Variants in DNM3 observed in about 807,000 individuals in gnomAD.
DNM3 encodes the protein dynamin-3.
Under a neutral mutation model 101.6 loss-of-function variants are expected in DNM3, and 47 were observed. The ratio of observed to expected loss-of-function variants is 0.46; its 90% CI spans 0.37 to 0.59. The LOEUF (loss-of-function observed/expected upper bound fraction) is 0.59, where lower values mean the gene tolerates loss of function less well. DNM3 is among the 20% of genes least tolerant of loss of function. DNM3 has a pLI of 0.00. For missense variants in DNM3, 849 were observed against 1,085.7 expected (o/e 0.78, Z 3.06); for synonymous variants, 385 against 387.9 (o/e 0.99, Z 0.09).
At chr1:172,387,027 G>A in intron 18 of DNM3, 106 bp from the exon 19 acceptor site, 1 of 936,982 alleles carries the variant, frequency 1.1e-6, no homozygotes, top group Non-Finnish European at 1.7e-6. Context: ...GGACTTTGGT[G>A]GACTTTGGTG....
chr1:171,848,310 CT>C (rs981714755), intron 1 of DNM3, among the ~76,000 whole-genome samples: 85 of 152,026 alleles, frequency 5.6e-4, no homozygotes, highest in African/African-American at 1.9e-3. Flanking sequence ...ATTTTATTAC[CT>C]TTTTTTTCCC....
intron 14 of DNM3, among the ~76,000 whole-genome samples, chr1:172,234,452 T>A (rs1284679834): frequency 2.0e-5 from 3 of 152,016 alleles, no homozygotes; most frequent in Admixed American, 2.0e-4. Context: ...AAAATGGCCA[T>A]ACTGCCCAAG....
chr1:172,026,747 G>A (rs941115946), intron 4 of DNM3, among the ~76,000 whole-genome samples: 2 of 151,550 alleles, frequency 1.3e-5, no homozygotes, highest in African/African-American at 2.4e-5. Flanking sequence ...CTCCGCCTCC[G>A]GGTTCATGCC....
chr1:172,034,563 A>C (rs1490860166), intron 6 of DNM3, among the ~76,000 whole-genome samples: 1 of 151,772 alleles, frequency 6.6e-6, no homozygotes, highest in East Asian at 1.9e-4. Context: ...AAGTTATGAC[A>C]CAATTGGATT....
chr1:172,137,911 C>T (rs1444814941), intron 14 of DNM3: 1 of 152,080 alleles, frequency 6.6e-6, no homozygotes, highest in African/African-American at 2.4e-5. Flanking sequence ...AAAGATGTGT[C>T]AAAATATACA....
intron 4 of DNM3, among the ~76,000 whole-genome samples, chr1:172,026,171 C>A (rs1322668451): frequency 6.6e-6 from 1 of 151,856 alleles, no homozygotes; most frequent in Non-Finnish European, 1.5e-5. Context: ...ACACAAGTAT[C>A]AATAGCCAAA....
intron 20 of DNM3, among the ~76,000 whole-genome samples, chr1:172,391,967 A>G (rs143488894): frequency 1.3e-5 from 2 of 152,348 alleles, no homozygotes; most frequent in Admixed American, 6.5e-5. Flanking sequence ...AAGAGCATAT[A>G]TACTTTTATG....
intron 2 of DNM3, among the ~76,000 whole-genome samples, chr1:171,981,348 A>T (rs1349277080): frequency 6.6e-6 from 1 of 152,270 alleles, no homozygotes; most frequent in Non-Finnish European, 1.5e-5. Flanking sequence ...CTTAGAATAA[A>T]GATGGACAAG....
chr1:172,226,998 C>A (rs2061148336), intron 14 of DNM3, among the ~76,000 whole-genome samples: 1 of 151,098 alleles, frequency 6.6e-6, no homozygotes, highest in Non-Finnish European at 1.5e-5. Context: ...TTTAATGCAC[C>A]CATCTCCCAT....
chr1:172,136,373 T>C (rs1450654371), intron 14 of DNM3, among the ~76,000 whole-genome samples: 2 of 152,170 alleles, frequency 1.3e-5, no homozygotes, highest in East Asian at 1.9e-4. Flanking sequence ...GTTTCACTTA[T>C]ACTTTTAAGA....
At chr1:172,275,797 T>C (rs1178829535) in intron 15 of DNM3, among the ~76,000 whole-genome samples, 1 of 152,132 alleles carries the variant, frequency 6.6e-6, no homozygotes, top group African/African-American at 2.4e-5. Flanking sequence ...TAAAAGATAA[T>C]TTTTATTGCC....
intron 13 of DNM3, among the ~76,000 whole-genome samples, chr1:172,097,882 C>A (rs2054352331): frequency 6.6e-6 from 1 of 152,188 alleles, no homozygotes; most frequent in Non-Finnish European, 1.5e-5. Context: ...TTCTGTGATG[C>A]CCCCTGAGCC....
intron 17 of DNM3, among the ~76,000 whole-genome samples, chr1:172,337,586 T>G (rs2148949808): frequency 6.6e-6 from 1 of 152,344 alleles, no homozygotes; most frequent in East Asian, 1.9e-4. Flanking sequence ...ATTCCTGAAT[T>G]TATTTGATCA....
At chr1:172,072,970 C>T (rs762933573) in intron 11 of DNM3, among the ~76,000 whole-genome samples, 1 of 152,110 alleles carries the variant, frequency 6.6e-6, no homozygotes, top group Non-Finnish European at 1.5e-5. Context: ...GTTTATTGGG[C>T]ACCTATTGTG....
intron 13 of DNM3, among the ~76,000 whole-genome samples, chr1:172,112,648 T>C (rs2055569422): frequency 6.6e-6 from 1 of 152,190 alleles, no homozygotes; most frequent in Non-Finnish European, 1.5e-5. Context: ...TCTGTAGTGA[T>C]ATCTGTCTTT....
At chr1:172,245,251 AAAGGT>A (rs1347727322) in intron 14 of DNM3, among the ~76,000 whole-genome samples, 1 of 152,198 alleles carries the variant, frequency 6.6e-6, no homozygotes, top group Non-Finnish European at 1.5e-5. Context: ...GATAATAAAT[AAAGGT>A]AATAATAGTA....
intron 14 of DNM3, among the ~76,000 whole-genome samples, chr1:172,251,266 TTTTG>T (rs1299349329): frequency 6.6e-6 from 1 of 152,170 alleles, no homozygotes; most frequent in East Asian, 1.9e-4. Flanking sequence ...TCTCTATTTC[TTTTG>T]TTTATTTTAG....
At chr1:172,134,623 T>C (rs750539484) in intron 14 of DNM3, among the ~76,000 whole-genome samples, 2 of 152,294 alleles carry the variant, frequency 1.3e-5, no homozygotes, top group Non-Finnish European at 2.9e-5. Context: ...ATAAAATGAT[T>C]AGCAAGGAAT....
At chr1:172,336,126 C>T (rs1205241486) in intron 17 of DNM3, among the ~76,000 whole-genome samples, 5 of 152,056 alleles carry the variant, frequency 3.3e-5, no homozygotes, top group Admixed American at 2.0e-4. Flanking sequence ...GCTAAACACC[C>T]TATAAGGCAC....
Sources: allele counts gnomAD v4.1 joint callset (sites outside exome capture counted in the v4.1 genomes callset), GRCh38; gene constraint gnomAD v4.1.1; transcripts MANE v1.5; gene names NCBI Gene and HGNC (gene_info 2026-07-23, HGNC 2026-07-21).